Variants in ROR1 observed in about 807,000 individuals in gnomAD.
ROR1 encodes ROR family WNT receptor 1.
A neutral mutation model predicts 78.8 loss-of-function variants in ROR1; 19 were observed. That is an observed-to-expected ratio of 0.24 (90% confidence interval 0.17 to 0.35). The LOEUF is 0.35. Ranked by LOEUF, ROR1 falls within the 10% of genes least tolerant of loss-of-function variation. The pLI, the probability that ROR1 is intolerant of heterozygous loss-of-function variation, is 1.00. For synonymous variants in ROR1, 386 were observed against 433.6 expected, an observed-to-expected ratio of 0.89 and a Z score of 1.36; for missense variants, 917 against 1,177.8, an observed-to-expected ratio of 0.78 and a Z score of 3.24.
chr1:63,874,614 G>A (rs1645272550), intron 1 of ROR1, among the ~76,000 whole-genome samples: 1 of 152,058 alleles, frequency 6.6e-6, no homozygotes, highest in Non-Finnish European at 1.5e-5. Context: ...TTAAGCTAGG[G>A]AGCATTTTCT....
chr1:64,160,242 A>T (rs1310610406), intron 8 of ROR1, among the ~76,000 whole-genome samples: 2 of 152,162 alleles, frequency 1.3e-5, no homozygotes, highest in African/African-American at 2.4e-5. Context: ...CTTATCTAAT[A>T]AATGGAGTAG....
At chr1:64,140,670 A>G (rs566694979) in intron 6 of ROR1, among the ~76,000 whole-genome samples, 3 of 152,360 alleles carry the variant, frequency 2.0e-5, no homozygotes, top group Admixed American at 6.5e-5. Context: ...TAGAATTACT[A>G]TATGACCTAG....
At chr1:63,858,864 A>G (rs1230747020) in intron 1 of ROR1, among the ~76,000 whole-genome samples, 1 of 152,228 alleles carries the variant, frequency 6.6e-6, no homozygotes, top group Non-Finnish European at 1.5e-5. Flanking sequence ...ACATAAAGAA[A>G]TGTGTGAGTA....
intron 1 of ROR1, among the ~76,000 whole-genome samples, chr1:63,943,985 T>C (rs1322786428): frequency 6.6e-6 from 1 of 152,160 alleles, no homozygotes; most frequent in Non-Finnish European, 1.5e-5. Flanking sequence ...ACTCATTGCA[T>C]TTTGGAGACT....
intron 4 of ROR1, among the ~76,000 whole-genome samples, chr1:64,108,101 T>A (rs1647907210): frequency 6.7e-6 from 1 of 148,422 alleles, no homozygotes; most frequent in Non-Finnish European, 1.5e-5. Flanking sequence ...TGTGTGTGTT[T>A]AAATCACTGT....
intron 1 of ROR1, among the ~76,000 whole-genome samples, chr1:63,872,513 G>C (rs560513029): frequency 2.6e-4 from 40 of 152,224 alleles, no homozygotes; most frequent in African/African-American, 9.4e-4. Context: ...AATGTAAGTA[G>C]TGAACGTAGC....
intron 1 of ROR1, among the ~76,000 whole-genome samples, chr1:63,871,669 AT>A (rs1354154953): frequency 6.6e-6 from 1 of 152,194 alleles, no homozygotes; most frequent in Non-Finnish European, 1.5e-5. Flanking sequence ...GACAGTGCCT[AT>A]TTTGTAAAGC....
rs146647238 is a variant in ROR1 at position 63,785,891 on chromosome 1, C to T, written c.91+11383C>T. On this transcript the variant is annotated intron_variant, in intron 1 of 8. Coordinates refer to ENST00000371079, the MANE Select transcript of ROR1 (RefSeq NM_005012.4). Reference sequence around the variant, plus strand: ...TGATTTAAACCTCTTTTTCTCTGTGCGGCTCATAGCGCTTTGCCCACTCAC... The same window carrying T: ...TGATTTAAACCTCTTTTTCTCTGTGTGGCTCATAGCGCTTTGCCCACTCAC... Among the ~76,000 whole-genome samples the T allele has an allele frequency of 6.6e-4, 100 of 152,258 alleles. 1 individual carries two copies. The East Asian group carries it at 0.017, about 26-fold the overall frequency.
intron 1 of ROR1, among the ~76,000 whole-genome samples, chr1:63,914,124 T>C (rs1157049442): frequency 2.0e-5 from 3 of 152,224 alleles, no homozygotes. Context: ...AAATAAATTG[T>C]TAGACTTCAC....
intron 4 of ROR1, among the ~76,000 whole-genome samples, chr1:64,060,965 TG>T (rs1646912471): frequency 6.6e-6 from 1 of 152,114 alleles, no homozygotes; most frequent in Non-Finnish European, 1.5e-5. Flanking sequence ...GGGGTATCTT[TG>T]TGTGCAGGGT....
At chr1:63,978,394 T>C (rs955747340) in intron 1 of ROR1, among the ~76,000 whole-genome samples, 1 of 152,202 alleles carries the variant, frequency 6.6e-6, no homozygotes, top group Non-Finnish European at 1.5e-5. Flanking sequence ...ATAATTTTGG[T>C]TTTGACAATA....
At chr1:63,840,288 T>A (rs2100312500) in intron 1 of ROR1, among the ~76,000 whole-genome samples, 1 of 151,516 alleles carries the variant, frequency 6.6e-6, no homozygotes, top group East Asian at 2.0e-4. Flanking sequence ...TTAGTTTTTT[T>A]TTTTTTTTGA....
At chr1:63,804,445 C>T (rs550897014) in intron 1 of ROR1, among the ~76,000 whole-genome samples, 2 of 152,266 alleles carry the variant, frequency 1.3e-5, no homozygotes, top group East Asian at 1.9e-4. Context: ...GTAACTTCCT[C>T]TCAATCTATA....
rs150079546 is a variant in ROR1 at position 64,064,125 on chromosome 1, C to T, written c.482+13409C>T. Among the ~76,000 whole-genome samples, 807 of 152,268 alleles carry T rather than the reference C, an allele frequency of 5.3e-3. 4 individuals carry two copies. The highest frequency in any genetic ancestry group is 0.015 in the African/African-American group (642 of 41,544). On this transcript the variant is annotated intron_variant, in intron 4 of 8. Transcript: ENST00000371079. ...AATTTAACATAGGGAATTGGTTACA[C>T]AGGTGATGAAGTTTGCCAAAAAAGC...
intron 2 of ROR1, among the ~76,000 whole-genome samples, chr1:64,018,771 T>A (rs1646541430): frequency 6.6e-6 from 1 of 152,130 alleles, no homozygotes; most frequent in African/African-American, 2.4e-5. Context: ...GTGCAGTTGT[T>A]TGAATAAAGA....
intron 7 of ROR1, among the ~76,000 whole-genome samples, chr1:64,151,591 G>A (rs1213070494): frequency 3.3e-5 from 5 of 152,036 alleles, no homozygotes; most frequent in Non-Finnish European, 5.9e-5. Context: ...GAAAGAAATG[G>A]GCTGGGCTCG....
chr1:64,050,776 C>A lies in ROR1; in HGVS notation c.482+60C>A. ...AGTGTTTCTCCGTGGTTTTCTAGGG[C>A]AAAAGCAATGTTGTCCTCTTCTTAA... On this transcript the variant is annotated intron_variant, in intron 4 of 8. Coordinates refer to ENST00000371079, the MANE Select transcript of ROR1 (RefSeq NM_005012.4). The A allele has an allele frequency of 5.2e-6, 8 of 1,533,700 alleles. No individual in the cohort carries two copies. In the South Asian group the frequency reaches 8.9e-5, roughly 17 times the overall value.
At chr1:63,848,531 G>A (rs1346447995) in intron 1 of ROR1, among the ~76,000 whole-genome samples, 1 of 152,004 alleles carries the variant, frequency 6.6e-6, no homozygotes, top group African/African-American at 2.4e-5. Context: ...AATAACATAA[G>A]GAAACTAAAA....
intron 1 of ROR1, among the ~76,000 whole-genome samples, chr1:63,787,353 T>A (rs1231475186): frequency 2.6e-5 from 4 of 152,156 alleles, no homozygotes; most frequent in Non-Finnish European, 5.9e-5. Context: ...TATTAAGCAT[T>A]GACTGTGGAC....
Sources: allele counts gnomAD v4.1 joint callset (sites outside exome capture counted in the v4.1 genomes callset), GRCh38; gene constraint gnomAD v4.1.1; transcripts MANE v1.5; gene names NCBI Gene and HGNC (gene_info 2026-07-23, HGNC 2026-07-21).